The following PTPRG variants were observed in gnomAD, a reference collection of about 807,000 sequenced individuals.
PTPRG encodes receptor-type tyrosine-protein phosphatase gamma.
In PTPRG, 102 loss-of-function variants were observed where a neutral mutation model predicts 165.3. That is an observed-to-expected ratio of 0.62 (90% CI 0.53 to 0.73). The LOEUF (loss-of-function observed/expected upper bound fraction) is 0.73. PTPRG is among the 30% of genes least tolerant of loss of function. The pLI, the probability that PTPRG is intolerant of heterozygous loss-of-function variation, is 0.00. For synonymous variants in PTPRG, 675 were observed against 669.5 expected, an observed-to-expected ratio of 1.01 and a Z score of -0.13; for missense variants, 1,866 against 1,861.4, an observed-to-expected ratio of 1.00 and a Z score of -0.05.
At chr3:61,749,377 C>A in intron 2 of PTPRG, 1 of 338,884 alleles carries the variant, frequency 3.0e-6, no homozygotes, top group Non-Finnish European at 5.7e-6. Flanking sequence ...CATCACATAT[C>A]AGAATGCTCT....
rs1314060579 is a variant in PTPRG, at chr3:62,273,469, G to A, written c.3319-229G>A. On this transcript the variant is annotated intron_variant, in intron 22 of 29. Coordinates refer to ENST00000474889, the MANE Select transcript of PTPRG (RefSeq NM_002841.4). The surrounding 1 kb of genome is among the most constrained non-coding windows in gnomAD (Gnocchi z 4.1). ...AGCAATAAGCACAGTATAGAATACC[G>A]TGATCCAGGCACAGTATAGAATACA... 2.0e-4 allele frequency among the ~76,000 whole-genome samples: 31 copies of A among 152,198 alleles called. No individual in the cohort carries two copies. Among genetic ancestry groups the A allele is most frequent in the Admixed American group, 1.8e-3 (28 of 15,276 alleles).
At position 62,273,693 on chromosome 3, in the gene PTPRG, C is replaced by G; in HGVS notation, c.3319-5C>G. 6.2e-7 allele frequency: 1 copy of G among 1,613,308 alleles called. No homozygotes were observed. The highest frequency in any genetic ancestry group is 1.1e-5 in the South Asian group (1 of 91,058). On this transcript the variant is annotated splice_region_variant and splice_polypyrimidine_tract_variant and intron_variant, in intron 22 of 29. Transcript: ENST00000474889. This position sits in a 1 kb window ranked among gnomAD's most constrained non-coding sequence, Gnocchi z 4.1. Reference sequence around the variant, plus strand: ...TCAGTGACTACCATGTATTGTACCTCTTAGGAGCAGTACATTTTCATCCAT... The same window carrying G: ...TCAGTGACTACCATGTATTGTACCTGTTAGGAGCAGTACATTTTCATCCAT...
In PTPRG at chr3:61,720,922, A is replaced by T. The variant is rs531850716; in HGVS notation, c.86-27956A>T. On this transcript the variant is annotated intron_variant, in intron 1 of 29. Transcript: ENST00000474889. ...TGTTTCTGCTGCGTTGGCCTTGATTATGTAAGTATTTTAGCTGTGATGTCT... is the reference window on the plus strand; with the variant it reads ...TGTTTCTGCTGCGTTGGCCTTGATTTTGTAAGTATTTTAGCTGTGATGTCT... Among the ~76,000 whole-genome samples, 216 of 152,334 alleles carry T rather than the reference A, an allele frequency of 1.4e-3. 1 individual carries two copies. Among genetic ancestry groups the T allele is most frequent in the African/African-American group, 4.4e-3 (185 of 41,584 alleles).
chr3:62,112,620 T>C (rs1448662876), intron 5 of PTPRG, among the ~76,000 whole-genome samples: 1 of 152,246 alleles, frequency 6.6e-6, no homozygotes, highest in Non-Finnish European at 1.5e-5. Context: ...AACAGATTGC[T>C]TCTAGCATTT....
At position 62,222,342 on chromosome 3, in the gene PTPRG, G is replaced by C. The variant is rs1188253440; in HGVS notation, c.2288+3359G>C. Among the ~76,000 whole-genome samples the C allele has an allele frequency of 6.6e-6, 1 of 152,202 alleles. No individual in the cohort carries two copies. Among genetic ancestry groups the C allele is most frequent in the African/African-American group, 2.4e-5 (1 of 41,436 alleles). ...TTGCCGTCAGTTTCTGGGATTTGCT[G>C]TCTGTGTGGTCTTCTCGCTCAAGCA... On this transcript the variant is annotated intron_variant, in intron 13 of 29. Coordinates refer to ENST00000474889, the MANE Select transcript of PTPRG (RefSeq NM_002841.4). The surrounding 1 kb of genome is among the most constrained non-coding windows in gnomAD (Gnocchi z 4.5).
intron 13 of PTPRG, among the ~76,000 whole-genome samples, chr3:62,225,762 C>A (rs1355698188): frequency 6.6e-6 from 1 of 150,892 alleles, no homozygotes; most frequent in African/African-American, 2.4e-5. Context: ...TCAAGCAATT[C>A]TCCTGCCTCA....
At position 61,963,467 on chromosome 3, in the gene PTPRG, C is replaced by A. The variant is rs537674942; in HGVS notation, c.191-26158C>A. Among the ~76,000 whole-genome samples, 8 of 152,088 alleles carry A rather than the reference C, an allele frequency of 5.3e-5. No individual in the cohort carries two copies. In the South Asian group the frequency reaches 8.3e-4, roughly 16 times the overall value. ...TGAATTAATACGCATTTAGTGAATT[C>A]AGTGTAATTTTATGCTTTTATACTT... is the stretch of plus-strand genomic sequence containing the variant. On this transcript the variant is annotated intron_variant, in intron 2 of 29. Coordinates refer to ENST00000474889, the MANE Select transcript of PTPRG (RefSeq NM_002841.4).
At chr3:62,017,617 G>A (rs2041580796) in intron 4 of PTPRG, among the ~76,000 whole-genome samples, 1 of 150,530 alleles carries the variant, frequency 6.6e-6, no homozygotes, top group South Asian at 2.1e-4. Flanking sequence ...GTAGAGACGG[G>A]GTTTCACCGT....
chr3:61,704,264 C>G (rs547744777), intron 1 of PTPRG, among the ~76,000 whole-genome samples: 1 of 152,274 alleles, frequency 6.6e-6, no homozygotes, highest in Admixed American at 6.5e-5. Context: ...GGTATAGTAA[C>G]TGTACCTACC....
intron 3 of PTPRG, among the ~76,000 whole-genome samples, chr3:61,995,608 G>T (rs1024579321): frequency 4.0e-5 from 6 of 151,758 alleles, no homozygotes; most frequent in African/African-American, 1.2e-4. Context: ...GGGTATGGGG[G>T]TGTGTAGGTA....
intron 1 of PTPRG, among the ~76,000 whole-genome samples, chr3:61,732,246 A>C (rs929290773): frequency 5.3e-5 from 8 of 152,166 alleles, no homozygotes; most frequent in Non-Finnish European, 8.8e-5. Context: ...TGTTGATGAG[A>C]TATTTTGCCT....
At chr3:62,164,133 T>G (rs1704874838) in intron 7 of PTPRG, among the ~76,000 whole-genome samples, 2 of 152,348 alleles carry the variant, frequency 1.3e-5, no homozygotes, top group East Asian at 1.9e-4. Context: ...GACACAACTT[T>G]GTCCGTATGG....
Position 62,166,343 on chromosome 3 carries a change from T to C in PTPRG, c.841-1628T>C, listed in dbSNP as rs571711818. Among the ~76,000 whole-genome samples, 506 of 151,622 alleles carry C rather than the reference T, an allele frequency of 3.3e-3. 1 individual carries two copies. Among genetic ancestry groups the C allele is most frequent in the African/African-American group, 0.012 (484 of 41,326 alleles). On this transcript the variant is annotated intron_variant, in intron 7 of 29. Transcript: ENST00000474889. ...CTTTTTTTATTTTTAAAAATTTTTT[T>C]ATTATTTTTTTGAGACAGAGTCTCA...
At chr3:61,945,216 G>A (rs2039727025) in intron 2 of PTPRG, among the ~76,000 whole-genome samples, 1 of 152,060 alleles carries the variant, frequency 6.6e-6, no homozygotes, top group Non-Finnish European at 1.5e-5. Flanking sequence ...AGGAAATTTT[G>A]TATGCTTTTG....
At chr3:61,883,903 A>T (rs1470458655) in intron 2 of PTPRG, among the ~76,000 whole-genome samples, 1 of 152,134 alleles carries the variant, frequency 6.6e-6, no homozygotes, top group Non-Finnish European at 1.5e-5. Flanking sequence ...TTTTGTAGAG[A>T]CAGGGTCTTA....
intron 2 of PTPRG, among the ~76,000 whole-genome samples, chr3:61,865,052 A>T (rs2037368363): frequency 6.6e-6 from 1 of 152,188 alleles, no homozygotes; most frequent in African/African-American, 2.4e-5. Context: ...ATGTTCAAGC[A>T]CTTGGCTGTG....
At chr3:62,073,906 A>T (rs1199005498) in intron 4 of PTPRG, among the ~76,000 whole-genome samples, 2 of 152,206 alleles carry the variant, frequency 1.3e-5, no homozygotes, top group Non-Finnish European at 2.9e-5. Flanking sequence ...AGACAGGACA[A>T]CTAAATACAA....
At chr3:62,186,513 G>T (rs1705891638) in intron 8 of PTPRG, among the ~76,000 whole-genome samples, 1 of 151,440 alleles carries the variant, frequency 6.6e-6, no homozygotes, top group Non-Finnish European at 1.5e-5. Flanking sequence ...GACACGGGTG[G>T]CCCATCGGCC....
intron 4 of PTPRG, among the ~76,000 whole-genome samples, chr3:62,057,760 A>G (rs1463404981): frequency 6.6e-6 from 1 of 152,208 alleles, no homozygotes; most frequent in Non-Finnish European, 1.5e-5. Context: ...ACATTCCAAA[A>G]AGGTAATGCC....
Sources: allele counts gnomAD v4.1 joint callset (sites outside exome capture counted in the v4.1 genomes callset), GRCh38; gene constraint gnomAD v4.1.1; non-coding constraint Gnocchi (gnomAD v3.1); transcripts MANE v1.5; gene names NCBI Gene and HGNC (gene_info 2026-07-23, HGNC 2026-07-21).